CMIP: variants seen among roughly 807,000 people sequenced by gnomAD.
CMIP encodes the protein c-Maf inducing protein.
CMIP carries 13 observed loss-of-function variants against 97.3 expected under a neutral mutation model. The observed-to-expected ratio is 0.13, with a 90% CI of 0.09 to 0.21. CMIP has a LOEUF of 0.21. CMIP is among the 10% of genes least tolerant of loss of function. CMIP has a pLI of 1.00. For missense variants in CMIP, 847 were observed against 1,024.9 expected (o/e 0.83, Z 2.37); for synonymous variants, 538 against 436.3 (o/e 1.23, Z -2.91).
chr16:81,671,203 C>T (rs1398517941), intron 8 of CMIP, among the ~76,000 whole-genome samples: 18 of 152,156 alleles, frequency 1.2e-4, no homozygotes, highest in Non-Finnish European at 2.9e-5. Flanking sequence ...TAAATATGCC[C>T]ACTTGGAACT....
intron 1 of CMIP, among the ~76,000 whole-genome samples, chr16:81,466,235 A>T (rs940593073): frequency 6.6e-6 from 1 of 151,920 alleles, no homozygotes; most frequent in Admixed American, 6.6e-5. Flanking sequence ...TAATTTTTAA[A>T]TTTTTTGTAG....
chr16:81,667,797 A>AGGGAGG (rs1474036026), intron 7 of CMIP, among the ~76,000 whole-genome samples: 1 of 64,966 alleles, frequency 1.5e-5, no homozygotes, highest in African/African-American at 6.6e-5. Flanking sequence ...AGAGAGAGAG[A>AGGGAGG]GAGTGTGTGT....
At chr16:81,482,098 C>T (rs1425184760) in intron 1 of CMIP, among the ~76,000 whole-genome samples, 1 of 152,076 alleles carries the variant, frequency 6.6e-6, no homozygotes, top group Non-Finnish European at 1.5e-5. Context: ...AGGGTGGTTT[C>T]GAACTACTGA....
intron 1 of CMIP, among the ~76,000 whole-genome samples, chr16:81,493,342 C>T (rs1441354229): frequency 6.7e-6 from 1 of 149,420 alleles, no homozygotes; most frequent in Non-Finnish European, 1.5e-5. Context: ...TGGGGTCACT[C>T]ACCCTCCGCG....
chr16:81,603,312 G>A (rs979357343), intron 1 of CMIP: 25 of 444,828 alleles, frequency 5.6e-5, no homozygotes, highest in African/African-American at 5.0e-4. Context: ...CGATCAAGGT[G>A]ACGTCATGAT....
At chr16:81,513,478 G>T (rs1243054877) in intron 1 of CMIP, among the ~76,000 whole-genome samples, 1 of 152,224 alleles carries the variant, frequency 6.6e-6, no homozygotes, top group Non-Finnish European at 1.5e-5. Flanking sequence ...TCCACCCCGG[G>T]ATTCTCCAGG....
rs747446667 is a variant in CMIP, at chr16:81,696,581, G to A, written c.1552G>A (p.Val518Met). 10 of 1,605,632 alleles carry A rather than the reference G, an allele frequency of 6.2e-6. No individual in the cohort carries two copies. Among genetic ancestry groups the A allele is most frequent in the Admixed American group, 3.3e-5 (2 of 59,982 alleles). The change falls in exon 14 of 21, where the codon GTG (valine) becomes ATG (methionine). Residue 518 changes from valine (V) to methionine (M), a missense_variant. By Grantham distance (21) the Val-to-Met change is conservative. Coordinates refer to ENST00000537098, the MANE Select transcript of CMIP (RefSeq NM_198390.3). ...GCAGGTCCACTCATGCCTGCTGAGC[G>A]TGCGGGCCGGCAAAGATGGCTGGTT... ...RQEVHSCLLS[V>M]RAGKDGWFQL...
At chr16:81,494,746 T>A (rs1445059936) in intron 1 of CMIP, among the ~76,000 whole-genome samples, 1 of 152,250 alleles carries the variant, frequency 6.6e-6, no homozygotes, top group Non-Finnish European at 1.5e-5. Context: ...GGATGGACAC[T>A]GCCCAGGTGC....
intron 1 of CMIP, among the ~76,000 whole-genome samples, chr16:81,555,415 G>T (rs2090741847): frequency 6.6e-6 from 1 of 152,176 alleles, no homozygotes; most frequent in African/African-American, 2.4e-5. Context: ...ACAGACAGAA[G>T]AATTCATGCT....
chr16:81,471,233 C>T (rs1907519737), intron 1 of CMIP, among the ~76,000 whole-genome samples: 1 of 152,156 alleles, frequency 6.6e-6, no homozygotes, highest in African/African-American at 2.4e-5. Context: ...CACATACATG[C>T]ACACATAGAA....
intron 1 of CMIP, among the ~76,000 whole-genome samples, chr16:81,595,601 C>G (rs1486381868): frequency 6.6e-6 from 1 of 152,042 alleles, no homozygotes; most frequent in African/African-American, 2.4e-5. Flanking sequence ...GTTGGCCAGG[C>G]TGGTCTCAAA....
At chr16:81,503,332 G>A (rs994140402) in intron 1 of CMIP, among the ~76,000 whole-genome samples, 3 of 152,198 alleles carry the variant, frequency 2.0e-5, no homozygotes, top group African/African-American at 2.4e-5. Context: ...TGAGCAGTCA[G>A]TGTTATCCCT....
chr16:81,597,859 C>T (rs953852696), intron 1 of CMIP, among the ~76,000 whole-genome samples: 1 of 152,102 alleles, frequency 6.6e-6, no homozygotes, highest in Non-Finnish European at 1.5e-5. Flanking sequence ...TCTGTCTCCC[C>T]CCCAGCTTGA....
At chr16:81,525,819 G>T (rs1447656259) in intron 1 of CMIP, among the ~76,000 whole-genome samples, 2 of 152,168 alleles carry the variant, frequency 1.3e-5, no homozygotes, top group Non-Finnish European at 2.9e-5. Context: ...CTTTCTGTGT[G>T]TATGCATTTG....
intron 1 of CMIP, among the ~76,000 whole-genome samples, chr16:81,541,953 A>G (rs923896874): frequency 2.0e-5 from 3 of 152,198 alleles, no homozygotes; most frequent in Non-Finnish European, 4.4e-5. Context: ...TTCTCCTTTA[A>G]TGGACTCCTT....
At chr16:81,684,322 T>A (rs924794887) in intron 10 of CMIP, among the ~76,000 whole-genome samples, 1 of 152,254 alleles carries the variant, frequency 6.6e-6, no homozygotes, top group Non-Finnish European at 1.5e-5. Flanking sequence ...GGATGTTGCA[T>A]AGCAGGAGCA....
intron 9 of CMIP, among the ~76,000 whole-genome samples, chr16:81,674,661 C>T (rs904215908): frequency 6.6e-6 from 1 of 152,046 alleles, no homozygotes; most frequent in Non-Finnish European, 1.5e-5. Context: ...TCTTGGCTCA[C>T]TACAGCCTCC....
At chr16:81,545,722 T>A (rs1416996702) in intron 1 of CMIP, among the ~76,000 whole-genome samples, 2 of 152,212 alleles carry the variant, frequency 1.3e-5, no homozygotes, top group Non-Finnish European at 2.9e-5. Context: ...CAGCATTGTT[T>A]CCAAATGATG....
chr16:81,536,322 A>G (rs1007725711), intron 1 of CMIP, among the ~76,000 whole-genome samples: 4 of 152,108 alleles, frequency 2.6e-5, no homozygotes, highest in African/African-American at 7.2e-5. Context: ...ACCTTGCGCC[A>G]TGCAGGGAGG....
Sources: allele counts gnomAD v4.1 joint callset (sites outside exome capture counted in the v4.1 genomes callset), GRCh38; gene constraint gnomAD v4.1.1; transcripts MANE v1.5; gene names NCBI Gene and HGNC (gene_info 2026-07-23, HGNC 2026-07-21).